Variants in ASAP1 observed in about 807,000 individuals in gnomAD.
ASAP1 encodes the protein arf-GAP with SH3 domain, ANK repeat and PH domain-containing protein 1.
ASAP1 carries 43 observed loss-of-function variants against 145.2 expected under a neutral mutation model. That is an observed-to-expected ratio of 0.30 (90% CI 0.23 to 0.38). ASAP1 has a LOEUF of 0.38. ASAP1 is among the 10% of genes least tolerant of loss of function. ASAP1 has a pLI of 1.00. For missense variants in ASAP1, 1,018 were observed against 1,355.3 expected, an observed-to-expected ratio of 0.75 and a Z score of 3.91; for synonymous variants, 546 against 515.5, an observed-to-expected ratio of 1.06 and a Z score of -0.80.
chr8:130,283,583 G>GAAAAAAAAAA (rs745389921), intron 3 of ASAP1, among the ~76,000 whole-genome samples: 12 of 98,752 alleles, frequency 1.2e-4, no homozygotes, highest in African/African-American at 3.3e-4. Context: ...CTCCATCACA[G>GAAAAAAAAAA]AAAGAAAAAA....
At chr8:130,357,458 C>A (rs1304025604) in intron 3 of ASAP1, among the ~76,000 whole-genome samples, 1 of 152,230 alleles carries the variant, frequency 6.6e-6, no homozygotes, top group Non-Finnish European at 1.5e-5. Context: ...GGGCTTCAGG[C>A]ACCAGAGACT....
chr8:130,072,830 C>CGCACG lies in ASAP1; in HGVS notation c.2701+3517_2701+3518insCGTGC, dbSNP rs1448184178. ...GTGTGTGTGTGTGTGTGTGTGCGCG[C>CGCACG]GGGGGGGGGCAGTTTTGGGGACTGA... On this transcript the variant is annotated intron_variant, in intron 27 of 29. Transcript: ENST00000518721. Among the ~76,000 whole-genome samples the CGCACG allele has an allele frequency of 5.0e-4, 16 of 31,928 alleles. 1 individual carries two copies. The highest frequency in any genetic ancestry group is 1.4e-3 in the Admixed American group (4 of 2,860). 20.9% of individuals were successfully genotyped at this position (31,928 alleles called of 152,430 possible). A position where few individuals can be genotyped will look rare whatever the true frequency, so the allele number is the denominator to read the frequency against.
Position 130,105,498 on chromosome 8 carries a change from T to C in ASAP1, c.2401+6596A>G, listed in dbSNP as rs79605028. ...TGTAGCGAGAACATTTAAAATCTATTCTCTTAGCAATTTTCAAGAATACAG... is the reference window on the plus strand; with the variant it reads ...TGTAGCGAGAACATTTAAAATCTATCCTCTTAGCAATTTTCAAGAATACAG... On this transcript the variant is annotated intron_variant, in intron 24 of 29. Transcript: ENST00000518721. 5.9e-3 allele frequency among the ~76,000 whole-genome samples: 891 copies of C among 152,276 alleles called. 37 individuals are homozygous for C. The East Asian group carries it at 0.11, about 18-fold the overall frequency.
chr8:130,147,292 A>ATTACT (rs1382217055), intron 13 of ASAP1, among the ~76,000 whole-genome samples: 2 of 151,870 alleles, frequency 1.3e-5, no homozygotes, highest in African/African-American at 4.8e-5. Flanking sequence ...TAATACTAAT[A>ATTACT]GCTGACATTT....
intron 1 of ASAP1, among the ~76,000 whole-genome samples, chr8:130,414,910 C>T (rs1162537857): frequency 9.9e-5 from 15 of 152,148 alleles, no homozygotes; most frequent in Admixed American, 5.9e-4. Flanking sequence ...GCATACGCCA[C>T]CACAGCCCAG....
At chr8:130,087,953 G>GGT (rs1161469774) in intron 25 of ASAP1, among the ~76,000 whole-genome samples, 1 of 152,080 alleles carries the variant, frequency 6.6e-6, no homozygotes, top group Non-Finnish European at 1.5e-5. Context: ...TGCTGGGATG[G>GGT]GTGAACATAT....
At chr8:130,402,729 T>C (rs1179349586) in intron 1 of ASAP1, among the ~76,000 whole-genome samples, 1 of 152,046 alleles carries the variant, frequency 6.6e-6, no homozygotes, top group Non-Finnish European at 1.5e-5. Context: ...CCATCCCCAA[T>C]TCATGTCTAC....
chr8:130,217,754 G>A (rs1383926348), intron 4 of ASAP1, among the ~76,000 whole-genome samples: 5 of 152,098 alleles, frequency 3.3e-5, no homozygotes, highest in South Asian at 4.1e-4. Flanking sequence ...CTGAAATAGC[G>A]TAGGATGTTC....
chr8:130,156,184 A>T (rs2097657917), intron 12 of ASAP1, among the ~76,000 whole-genome samples: 1 of 152,260 alleles, frequency 6.6e-6, no homozygotes, highest in Non-Finnish European at 1.5e-5. Context: ...AGGGTCAAAA[A>T]TTACCAACGC....
chr8:130,077,537 CTTTTTTTT>C (rs58327713), intron 26 of ASAP1, among the ~76,000 whole-genome samples: 2 of 62,030 alleles, frequency 3.2e-5, no homozygotes, highest in South Asian at 9.1e-4. Flanking sequence ...GCTGCTGCTG[CTTTTTTTT>C]TTTTTTTTTT....
chr8:130,409,128 G>A (rs1829157342), intron 1 of ASAP1, among the ~76,000 whole-genome samples: 1 of 152,122 alleles, frequency 6.6e-6, no homozygotes, highest in African/African-American at 2.4e-5. Context: ...CAGGCATGGT[G>A]GCAGGCGCCT....
intron 5 of ASAP1, among the ~76,000 whole-genome samples, chr8:130,213,790 T>G (rs1444740837): frequency 6.6e-6 from 1 of 152,082 alleles, no homozygotes; most frequent in Non-Finnish European, 1.5e-5. Context: ...ACCAACAAAA[T>G]CCAAATGATC....
chr8:130,242,353 C>G (rs1267581859), intron 3 of ASAP1, among the ~76,000 whole-genome samples: 1 of 140,554 alleles, frequency 7.1e-6, no homozygotes, highest in Non-Finnish European at 1.5e-5. Flanking sequence ...ATAGTATATT[C>G]AGAGAGGTCA....
intron 18 of ASAP1, 196 bp from the exon 19 acceptor site, chr8:130,118,871 T>C (rs958558985): frequency 4.2e-5 from 14 of 337,300 alleles, no homozygotes; most frequent in African/African-American, 2.1e-4. Flanking sequence ...TACTAATATA[T>C]ACAAGTAATA....
At chr8:130,095,303 T>A (rs1215318672) in intron 24 of ASAP1, among the ~76,000 whole-genome samples, 2 of 146,582 alleles carry the variant, frequency 1.4e-5, no homozygotes, top group Non-Finnish European at 3.0e-5. Context: ...GATTTTTTTT[T>A]TTTTTTTTTT....
intron 20 of ASAP1, among the ~76,000 whole-genome samples, chr8:130,117,430 TCTG>T: frequency 6.6e-6 from 1 of 152,340 alleles, no homozygotes; most frequent in Non-Finnish European, 1.5e-5. Flanking sequence ...CTATATTGTC[TCTG>T]AGGAAGAAAC....
intron 11 of ASAP1, among the ~76,000 whole-genome samples, chr8:130,161,880 G>A (rs11993716): frequency 0.17 from 26,276 of 152,002 alleles, 2,711 homozygotes; most frequent in African/African-American, 0.27. Context: ...AGCTCACTGC[G>A]GCCTGAACCT....
chr8:130,421,200 CA>C (rs901178450), intron 1 of ASAP1, among the ~76,000 whole-genome samples: 3 of 152,096 alleles, frequency 2.0e-5, no homozygotes. Context: ...ACAACAACAA[CA>C]AAAAAATCAC....
At chr8:130,196,048 G>A (rs1355662006) in intron 5 of ASAP1, among the ~76,000 whole-genome samples, 1 of 152,198 alleles carries the variant, frequency 6.6e-6, no homozygotes, top group East Asian at 1.9e-4. Flanking sequence ...AAGGAATCAA[G>A]AAGCAGTTGT....
Sources: allele counts gnomAD v4.1 joint callset (sites outside exome capture counted in the v4.1 genomes callset), GRCh38; gene constraint gnomAD v4.1.1; transcripts MANE v1.5; gene names NCBI Gene and HGNC (gene_info 2026-07-23, HGNC 2026-07-21).